CADM2: variants seen among roughly 807,000 people sequenced by gnomAD.
The protein encoded by CADM2 is cell adhesion molecule 2.
Under a neutral mutation model 49.8 loss-of-function variants are expected in CADM2, and 12 were observed. The observed-to-expected ratio is 0.24, with a 90% CI of 0.15 to 0.39. The LOEUF (loss-of-function observed/expected upper bound fraction) is 0.39. Ranked by LOEUF, CADM2 falls within the 10% of genes least tolerant of loss-of-function variation. CADM2 has a pLI of 1.00. For synonymous variants in CADM2, 214 were observed against 175.4 expected (o/e 1.22, Z -1.74); for missense variants, 378 against 492.3 (o/e 0.77, Z 2.20).
At chr3:85,034,116 G>A (rs2035103596) in intron 1 of CADM2, among the ~76,000 whole-genome samples, 1 of 152,046 alleles carries the variant, frequency 6.6e-6, no homozygotes, top group Non-Finnish European at 1.5e-5. Context: ...CTTCCTTTGT[G>A]TTATAAACAA....
chr3:85,940,626 C>A (rs988564855), intron 7 of CADM2, among the ~76,000 whole-genome samples: 4 of 152,052 alleles, frequency 2.6e-5, no homozygotes, highest in South Asian at 2.1e-4. Context: ...ATTTACCGCT[C>A]TCCTGCTATA....
chr3:85,343,899 A>G (rs948949619), intron 1 of CADM2, among the ~76,000 whole-genome samples: 13 of 152,196 alleles, frequency 8.5e-5, no homozygotes, highest in African/African-American at 3.1e-4. Flanking sequence ...AATCCAATAC[A>G]TATTTACTGA....
chr3:85,486,704 T>A (rs2039430722), intron 1 of CADM2, among the ~76,000 whole-genome samples: 2 of 101,110 alleles, frequency 2.0e-5, no homozygotes, highest in African/African-American at 5.2e-5. Context: ...GGAGACCAAT[T>A]GGAATGTGTA....
intron 2 of CADM2, among the ~76,000 whole-genome samples, chr3:85,783,566 C>A (rs2070786894): frequency 6.6e-6 from 1 of 152,078 alleles, no homozygotes; most frequent in Non-Finnish European, 1.5e-5. Context: ...CCATATGAGT[C>A]CATATTTCCT....
chr3:85,402,517 C>T lies in CADM2; in HGVS notation c.62-324005C>T, dbSNP rs142057955. On this transcript the variant is annotated intron_variant, in intron 1 of 9. Transcript: ENST00000383699. The stretch of plus-strand genomic sequence containing the variant: ...TCTCCATATTTTATTTTGTGTAGGT[C>T]GCAAAAGAATATTTTTCTCAATAAA... Among the ~76,000 whole-genome samples the T allele has an allele frequency of 3.4e-3, 511 of 151,322 alleles. 2 individuals are homozygous for T. The highest frequency in any genetic ancestry group is 4.1e-3 in the Non-Finnish European group (276 of 67,868).
At chr3:85,117,243 A>G (rs2038671408) in intron 1 of CADM2, among the ~76,000 whole-genome samples, 1 of 96,252 alleles carries the variant, frequency 1.0e-5, no homozygotes, top group Non-Finnish European at 2.4e-5. Flanking sequence ...AAAAGAGAAA[A>G]TTTTATGATT....
chr3:85,318,161 C>G (rs1480497319), intron 1 of CADM2, among the ~76,000 whole-genome samples: 1 of 146,874 alleles, frequency 6.8e-6, no homozygotes, highest in Non-Finnish European at 1.5e-5. Context: ...CAGAGTGAGA[C>G]CCTGTCTCAG....
chr3:85,562,306 T>G (rs2062116770), intron 1 of CADM2, among the ~76,000 whole-genome samples: 1 of 151,682 alleles, frequency 6.6e-6, no homozygotes, highest in South Asian at 2.1e-4. Context: ...TTGAGAGACC[T>G]GATCTCTACT....
intron 1 of CADM2, among the ~76,000 whole-genome samples, chr3:85,509,399 A>G (rs1243732030): frequency 6.6e-6 from 1 of 152,178 alleles, no homozygotes; most frequent in African/African-American, 2.4e-5. Flanking sequence ...TCCAAACAAT[A>G]TTGCAATTTA....
At chr3:85,795,501 C>T (rs1169138706) in intron 2 of CADM2, among the ~76,000 whole-genome samples, 1 of 152,090 alleles carries the variant, frequency 6.6e-6, no homozygotes, top group African/African-American at 2.4e-5. Flanking sequence ...GAACTAAAAT[C>T]ATACTTCAAA....
intron 1 of CADM2, among the ~76,000 whole-genome samples, chr3:85,046,708 A>G (rs1292063583): frequency 6.6e-6 from 1 of 152,022 alleles, no homozygotes; most frequent in African/African-American, 2.4e-5. Flanking sequence ...CTCTTTTGCA[A>G]TTACATTTAC....
intron 1 of CADM2, among the ~76,000 whole-genome samples, chr3:85,700,350 G>C (rs1239888042): frequency 6.6e-6 from 1 of 152,162 alleles, no homozygotes; most frequent in Non-Finnish European, 1.5e-5. Flanking sequence ...TGGGGGACTA[G>C]GGGAGGGATA....
At chr3:85,951,030 G>A (rs1258298919) in intron 7 of CADM2, among the ~76,000 whole-genome samples, 1 of 150,868 alleles carries the variant, frequency 6.6e-6, no homozygotes, top group Non-Finnish European at 1.5e-5. Context: ...AACTTTTGTT[G>A]TTGAGACTGG....
At chr3:85,851,940 G>A (rs1156728218) in intron 3 of CADM2, among the ~76,000 whole-genome samples, 1 of 152,014 alleles carries the variant, frequency 6.6e-6, no homozygotes, top group African/African-American at 2.4e-5. Flanking sequence ...AGAGGAGGTT[G>A]AGTAATTAAG....
chr3:85,286,275 C>G (rs1181321366), intron 1 of CADM2, among the ~76,000 whole-genome samples: 2 of 152,086 alleles, frequency 1.3e-5, no homozygotes, highest in Non-Finnish European at 2.9e-5. Context: ...AACTTTAGTT[C>G]CTATTTTATT....
At chr3:85,763,054 A>T (rs1337001381) in intron 2 of CADM2, among the ~76,000 whole-genome samples, 4 of 152,132 alleles carry the variant, frequency 2.6e-5, no homozygotes, top group South Asian at 2.1e-4. Flanking sequence ...GACAATATTT[A>T]TTAGAGCTTC....
At chr3:85,988,448 A>G (rs1728377780) in intron 8 of CADM2, among the ~76,000 whole-genome samples, 1 of 152,202 alleles carries the variant, frequency 6.6e-6, no homozygotes, top group African/African-American at 2.4e-5. Flanking sequence ...TAGCGAAGCT[A>G]TGACAACACT....
chr3:86,010,297 A>G (rs1464096879), intron 8 of CADM2, among the ~76,000 whole-genome samples: 5 of 151,988 alleles, frequency 3.3e-5, no homozygotes, highest in Admixed American at 1.3e-4. Context: ...AATAAAAAAT[A>G]TAACTGTTTT....
chr3:85,867,832 A>G (rs1170669999), intron 3 of CADM2, among the ~76,000 whole-genome samples: 5 of 152,092 alleles, frequency 3.3e-5, no homozygotes, highest in Non-Finnish European at 5.9e-5. Context: ...CACGTGATTG[A>G]TATAATCACC....
Sources: allele counts gnomAD v4.1 joint callset (sites outside exome capture counted in the v4.1 genomes callset), GRCh38; gene constraint gnomAD v4.1.1; transcripts MANE v1.5; gene names NCBI Gene and HGNC (gene_info 2026-07-23, HGNC 2026-07-21).